Variants in MMRN2 observed in about 807,000 individuals in gnomAD.
MMRN2 encodes the protein multimerin 2.
In MMRN2, 53 loss-of-function variants were observed where a neutral mutation model predicts 68.8. The ratio of observed to expected loss-of-function variants is 0.77; its 90% CI spans 0.62 to 0.97. The LOEUF (loss-of-function observed/expected upper bound fraction) is 0.97, where lower values mean the gene tolerates loss of function less well. Ranked by LOEUF, MMRN2 falls within the 50% of genes least tolerant of loss-of-function variation. The pLI is 0.00. For missense variants in MMRN2, 1,266 were observed against 1,259.5 expected (o/e 1.01, Z -0.08); for synonymous variants, 564 against 551.6 (o/e 1.02, Z -0.32).
Position 86,942,973 on chromosome 10 carries a change from A to C in MMRN2, c.1811T>G (p.Leu604Arg). 2 of 1,488,838 alleles carry C rather than the reference A, an allele frequency of 1.3e-6. No homozygotes were observed. Among genetic ancestry groups the C allele is most frequent in the Non-Finnish European group, 1.8e-6 (2 of 1,120,464 alleles). 92.2% of individuals were successfully genotyped at this position (1,488,838 alleles called of 1,614,324 possible). A position where few individuals can be genotyped will look rare whatever the true frequency, so the allele number is the denominator to read the frequency against. The stretch of plus-strand genomic sequence containing the variant: ...CGCGGCCAGCACCGCCTCGTGCCGC[A>C]GCGCGTCCTCCAGCAGGGCGGCGAA... ...SAFAALLEDA[L>R]RHEAVLAALF... Residue 604 changes from leucine (L) to arginine (R), a missense_variant, in exon 6 of 7, where the codon CTG becomes CGG. By Grantham distance (102) the Leu-to-Arg change is moderately radical. Coordinates refer to ENST00000372027, the MANE Select transcript of MMRN2 (RefSeq NM_024756.3).
intron 1 of MMRN2, among the ~76,000 whole-genome samples, chr10:86,951,387 G>C (rs941551516): frequency 3.3e-5 from 5 of 152,244 alleles, no homozygotes; most frequent in African/African-American, 1.2e-4. Context: ...CCTTCAAAAA[G>C]TATGAAGAAT....
intron 6 of MMRN2, 67 bp downstream of exon 6, chr10:86,942,250 A>C: frequency 1.3e-6 from 2 of 1,516,790 alleles, no homozygotes; most frequent in Non-Finnish European, 1.8e-6. Flanking sequence ...TCTTGGAGGC[A>C]GAAGAGCTGC....
At chr10:86,954,507 C>T (rs1844190214) in intron 1 of MMRN2, among the ~76,000 whole-genome samples, 1 of 152,104 alleles carries the variant, frequency 6.6e-6, no homozygotes, top group Admixed American at 6.5e-5. Flanking sequence ...AGGGCGCATC[C>T]ATTATGCAGA....
At position 86,942,582 on chromosome 10, in the gene MMRN2, G is replaced by A; in HGVS notation, c.2202C>T (p.His734=). Residue 734 remains histidine, a synonymous_variant, in exon 6 of 7, where the codon CAC becomes CAT. Coordinates refer to ENST00000372027, the MANE Select transcript of MMRN2 (RefSeq NM_024756.3). ...ASLNASLHGL[H]NALFATQRSL... Reference sequence around the variant, plus strand: ...TGCGCTGAGTGGCGAAGAGTGCGTTGTGGAGGCCGTGAAGGGAGGCGTTGA... The same window carrying A: ...TGCGCTGAGTGGCGAAGAGTGCGTTATGGAGGCCGTGAAGGGAGGCGTTGA... 6.2e-7 allele frequency: 1 copy of A among 1,611,760 alleles called. No homozygotes were observed. Among genetic ancestry groups the A allele is most frequent in the Non-Finnish European group, 8.5e-7 (1 of 1,179,912 alleles).
intron 6 of MMRN2, among the ~76,000 whole-genome samples, chr10:86,938,984 G>A (rs974669572): frequency 6.6e-6 from 1 of 151,186 alleles, no homozygotes; most frequent in African/African-American, 2.4e-5. Flanking sequence ...CCAACATGGA[G>A]AAATCCCATC....
chr10:86,944,196 G>A (rs762430276), intron 5 of MMRN2, 66 bp downstream of exon 5: 106 of 1,591,720 alleles, frequency 6.7e-5, no homozygotes, highest in East Asian at 9.0e-5. Flanking sequence ...TGGGACCAGC[G>A]GGGTCCTCCC....
At position 86,944,403 on chromosome 10, in the gene MMRN2, C is replaced by T. The variant is rs528405277; in HGVS notation, c.514G>A (p.Val172Met). 18 of 1,613,908 alleles carry T rather than the reference C, an allele frequency of 1.1e-5. 2 individuals carry two copies. The South Asian group carries it at 1.5e-4, about 14-fold the overall frequency. ...AGATGTTCCTGCTGTTCCTGTTGCA[C>T]CTCAACCTCATTGATCACTGCAGCA... Reference protein sequence around the residue: ...HLAAVINEVEVQQEQQEHLLG... With the variant: ...HLAAVINEVEMQQEQQEHLLG... The change falls in exon 5 of 7, where the codon GTG (valine) becomes ATG (methionine). Residue 172 changes from valine (V) to methionine (M), a missense_variant. Transcript: ENST00000372027.
chr10:86,937,713 G>A (rs908722393), intron 6 of MMRN2, among the ~76,000 whole-genome samples: 7 of 152,198 alleles, frequency 4.6e-5, no homozygotes, highest in Non-Finnish European at 1.0e-4. Context: ...GGCAGGCTGG[G>A]ACAGGAACAC....
chr10:86,937,088 C>T lies in MMRN2; in HGVS notation c.2505G>A (p.Gly835=). ...ACTTCACTGTCTGCAGGGCAGCCGT[C>T]CCTTCTGAAAAGCTGGCATAGAAGG... is the stretch of plus-strand genomic sequence containing the variant. ...PVAFYASFSE[G]TAALQTVKFN... is the part of the protein sequence containing the mutation. The change falls in exon 7 of 7, where the codon GGG becomes GGA. Residue 835 remains glycine (G), a synonymous_variant. Coordinates refer to ENST00000372027, the MANE Select transcript of MMRN2 (RefSeq NM_024756.3). 6.2e-7 allele frequency: 1 copy of T among 1,614,168 alleles called. No homozygotes were observed. Among genetic ancestry groups the T allele is most frequent in the Non-Finnish European group, 8.5e-7 (1 of 1,180,036 alleles).
In MMRN2 at chr10:86,945,663, T is replaced by C. The variant is rs148062644; in HGVS notation, c.191A>G (p.Lys64Arg). The change falls in exon 2 of 7, where the codon AAG (lysine) becomes AGG (arginine). Residue 64 changes from lysine to arginine, a missense_variant. Lys to Arg is a conservative substitution (Grantham distance 26). Coordinates refer to ENST00000372027, the MANE Select transcript of MMRN2 (RefSeq NM_024756.3). ...GRNWCPYPMS[K>R]LVTLLALCKT... is the part of the protein sequence containing the mutation. ...GCAAAGAGCTAGTAAGGTGACCAGC[T>C]TGGACATTGGGTAGGGGCACCAGTT... is the stretch of plus-strand genomic sequence containing the variant. 9.9e-5 allele frequency: 159 copies of C among 1,613,916 alleles called. No individual in the cohort carries two copies. Among genetic ancestry groups the C allele is most frequent in the Non-Finnish European group, 3.3e-5 (39 of 1,180,010 alleles).
chr10:86,945,251 C>G lies in MMRN2; in HGVS notation c.418G>C (p.Glu140Gln), dbSNP rs1461995667. The G allele has an allele frequency of 6.2e-7, 1 of 1,613,752 alleles. No individual in the cohort carries two copies. Among genetic ancestry groups the G allele is most frequent in the Admixed American group, 1.7e-5 (1 of 60,000 alleles). ...CEHHDSMAIP[E>Q]PADPGDSHQE... is the part of the protein sequence containing the mutation. The stretch of plus-strand genomic sequence containing the variant: ...TGGCTGTCACCAGGATCTGCAGGCT[C>G]AGGGATTGCCATGGAATCTGCAGAA... Residue 140 changes from glutamate to glutamine, a missense_variant, in exon 4 of 7, where the codon GAG (glutamate) becomes CAG (glutamine). By Grantham distance (29) the Glu-to-Gln change is conservative. Coordinates refer to ENST00000372027, the MANE Select transcript of MMRN2 (RefSeq NM_024756.3).
In MMRN2 at chr10:86,943,395, C is replaced by T; in HGVS notation, c.1389G>A (p.Glu463=). 2 of 1,614,138 alleles carry T rather than the reference C, an allele frequency of 1.2e-6. No homozygotes were observed. The highest frequency in any genetic ancestry group is 1.7e-6 in the Non-Finnish European group (2 of 1,180,014). The change falls in exon 6 of 7, where the codon GAG becomes GAA. Residue 463 remains glutamate, a synonymous_variant. Coordinates refer to ENST00000372027, the MANE Select transcript of MMRN2 (RefSeq NM_024756.3). The surrounding 1 kb of genome is among the most constrained non-coding windows in gnomAD (Gnocchi z 4.2). Reference sequence around the variant, plus strand: ...TGAGCTCCAGGAGCTGCCGCTCCACCTCCTCCTTGTTCTCCTCCATGATCA... The same window carrying T: ...TGAGCTCCAGGAGCTGCCGCTCCACTTCCTCCTTGTTCTCCTCCATGATCA... The part of the protein sequence containing the change: ...KSLIMEENKE[E]VERQLLELNL...
At chr10:86,957,200 G>A (rs1242446784) in intron 1 of MMRN2, among the ~76,000 whole-genome samples, 178 bp downstream of exon 1, 3 of 152,228 alleles carry the variant, frequency 2.0e-5, no homozygotes, top group Non-Finnish European at 4.4e-5. Flanking sequence ...CAATTCTTAG[G>A]TGGATCCTGA....
chr10:86,941,316 C>G (rs1843960441), intron 6 of MMRN2, among the ~76,000 whole-genome samples: 1 of 152,158 alleles, frequency 6.6e-6, no homozygotes, highest in Non-Finnish European at 1.5e-5. Context: ...TATTTATTTT[C>G]CTCTATGTAC....
At chr10:86,944,674 G>A in intron 4 of MMRN2, 1 of 523,906 alleles carries the variant, frequency 1.9e-6, no homozygotes, top group Admixed American at 3.8e-5. Flanking sequence ...CCCCTCCTCA[G>A]CACATGCACA....
In MMRN2 at chr10:86,943,483, TCCACCTGCCGC is replaced by T; in HGVS notation, c.1290_1300del (p.Arg431GlyfsTer11). The stretch of plus-strand genomic sequence containing the variant: ...CGCCGTGTGGTTCACCTGCAGCTCC[TCCACCTGCCGC>T]TCCACCTTGCTAATCTGATCGAAAG... On this transcript the variant is annotated frameshift_variant, in exon 6 of 7. Coordinates refer to ENST00000372027, the MANE Select transcript of MMRN2 (RefSeq NM_024756.3). LOFTEE classifies it high-confidence loss of function. The surrounding 1 kb of genome is among the most constrained non-coding windows in gnomAD (Gnocchi z 4.2). 3.1e-6 allele frequency: 5 copies of T among 1,614,010 alleles called. No individual in the cohort carries two copies. Among genetic ancestry groups the T allele is most frequent in the Non-Finnish European group, 4.2e-6 (5 of 1,180,026 alleles).
rs1346768608 is a variant in MMRN2, at chr10:86,943,894, A to G, written c.890T>C (p.Val297Ala). 1 of 1,613,862 alleles carries G rather than the reference A, an allele frequency of 6.2e-7. No homozygotes were observed. The highest frequency in any genetic ancestry group is 1.3e-5 in the African/African-American group (1 of 74,916). ...QELGAKFEAK[V>A]QENTQRVGQL... ...ACCCACTCTCTGAGTGTTCTCCTGG[A>G]CCTTGGCCTCAAATTTGGCACCAAG... Residue 297 changes from valine (V) to alanine (A), a missense_variant, in exon 6 of 7, where the codon GTC becomes GCC. Transcript: ENST00000372027. This position sits in a 1 kb window ranked among gnomAD's most constrained non-coding sequence, Gnocchi z 4.2.
chr10:86,946,613 C>T (rs1844073528), intron 1 of MMRN2, among the ~76,000 whole-genome samples: 2 of 152,190 alleles, frequency 1.3e-5, no homozygotes, highest in South Asian at 2.1e-4. Context: ...TGACAGAGCC[C>T]CAGTTCACAG....
intron 6 of MMRN2, among the ~76,000 whole-genome samples, chr10:86,939,829 G>T (rs1296842024): frequency 1.5e-4 from 20 of 136,244 alleles, no homozygotes; most frequent in Admixed American, 7.8e-4. Context: ...GTGTGTGTGT[G>T]TGTGTGTGTT....
Sources: allele counts gnomAD v4.1 joint callset (sites outside exome capture counted in the v4.1 genomes callset), GRCh38; gene constraint gnomAD v4.1.1; non-coding constraint Gnocchi (gnomAD v3.1); transcripts MANE v1.5; gene names NCBI Gene and HGNC (gene_info 2026-07-23, HGNC 2026-07-21).